The following GRID1 variants were observed in gnomAD, a reference collection of about 807,000 sequenced individuals.
GRID1 encodes glutamate ionotropic receptor delta type subunit 1, also known as glutamate receptor ionotropic, delta-1.
GRID1 carries 28 observed loss-of-function variants against 98.0 expected under a neutral mutation model. The ratio of observed to expected loss-of-function variants is 0.29; its 90% CI spans 0.21 to 0.39. GRID1 has a LOEUF of 0.39. GRID1 is among the 10% of genes least tolerant of loss of function. The pLI is 1.00. For synonymous variants in GRID1, 553 were observed against 538.5 expected (o/e 1.03, Z -0.37); for missense variants, 1,111 against 1,340.5 (o/e 0.83, Z 2.67).
chr10:86,207,536 C>G (rs942259791), intron 2 of GRID1, among the ~76,000 whole-genome samples: 5 of 152,080 alleles, frequency 3.3e-5, no homozygotes, highest in South Asian at 2.1e-4. Context: ...ATGCACCTCC[C>G]AACGCTGCAA....
intron 4 of GRID1, among the ~76,000 whole-genome samples, chr10:85,963,669 C>T (rs1169105174): frequency 6.6e-6 from 1 of 152,224 alleles, no homozygotes; most frequent in Non-Finnish European, 1.5e-5. Flanking sequence ...CATGATTCTC[C>T]TGGTCACACC....
intron 8 of GRID1, among the ~76,000 whole-genome samples, chr10:85,834,862 A>G (rs1842898769): frequency 6.6e-6 from 1 of 152,210 alleles, no homozygotes; most frequent in Non-Finnish European, 1.5e-5. Flanking sequence ...AACAATACTT[A>G]TCTTAAGGAT....
At chr10:85,994,445 T>C (rs1471049607) in intron 4 of GRID1, among the ~76,000 whole-genome samples, 2 of 152,164 alleles carry the variant, frequency 1.3e-5, no homozygotes, top group Non-Finnish European at 2.9e-5. Flanking sequence ...GCACCCGACA[T>C]CTCTGCCCTT....
At chr10:86,080,773 T>G (rs1843965956) in intron 4 of GRID1, among the ~76,000 whole-genome samples, 1 of 152,062 alleles carries the variant, frequency 6.6e-6, no homozygotes, top group South Asian at 2.1e-4. Flanking sequence ...CTAAGAAATC[T>G]CCACACAGAC....
intron 13 of GRID1, among the ~76,000 whole-genome samples, chr10:85,640,629 G>A (rs1156582024): frequency 1.3e-5 from 2 of 152,198 alleles, no homozygotes; most frequent in Non-Finnish European, 2.9e-5. Context: ...GGGTGCCAAA[G>A]TTCCTGATCC....
At chr10:86,114,778 A>C (rs1359121963) in intron 4 of GRID1, among the ~76,000 whole-genome samples, 1 of 152,188 alleles carries the variant, frequency 6.6e-6, no homozygotes, top group Non-Finnish European at 1.5e-5. Flanking sequence ...AACTGGTAGA[A>C]CCAGAGCATT....
chr10:85,783,272 C>T (rs1453663123), intron 8 of GRID1, among the ~76,000 whole-genome samples: 2 of 152,214 alleles, frequency 1.3e-5, no homozygotes, highest in African/African-American at 4.8e-5. Flanking sequence ...GCTTCCCAGA[C>T]CCTGTTTCTT....
At chr10:85,666,995 C>T (rs972293548) in intron 12 of GRID1, among the ~76,000 whole-genome samples, 1 of 152,202 alleles carries the variant, frequency 6.6e-6, no homozygotes, top group African/African-American at 2.4e-5. Context: ...ATCAGTGCTA[C>T]TGCCCTAGTT....
intron 2 of GRID1, among the ~76,000 whole-genome samples, chr10:86,274,289 T>C (rs1847232403): frequency 6.6e-6 from 1 of 152,240 alleles, no homozygotes; most frequent in African/African-American, 2.4e-5. Flanking sequence ...TTGGTACCAG[T>C]ACCATGCTGT....
At chr10:85,773,530 A>C (rs112340433) in intron 8 of GRID1, among the ~76,000 whole-genome samples, 2 of 151,480 alleles carry the variant, frequency 1.3e-5, no homozygotes, top group Non-Finnish European at 1.5e-5. Flanking sequence ...GAGGAAGTCA[A>C]ATTGTCCCTG....
At chr10:86,106,369 CA>C (rs1233154580) in intron 4 of GRID1, among the ~76,000 whole-genome samples, 2 of 151,576 alleles carry the variant, frequency 1.3e-5, no homozygotes, top group African/African-American at 4.9e-5. Context: ...GATGTTAGGT[CA>C]AAAAAGCAAA....
At chr10:85,806,650 C>T (rs566639669) in intron 8 of GRID1, among the ~76,000 whole-genome samples, 7 of 151,892 alleles carry the variant, frequency 4.6e-5, no homozygotes, top group Admixed American at 1.3e-4. Flanking sequence ...AACAAAACAA[C>T]GTGGAAAACT....
chr10:85,920,642 G>A (rs568637790), intron 4 of GRID1, among the ~76,000 whole-genome samples: 10 of 152,362 alleles, frequency 6.6e-5, no homozygotes, highest in African/African-American at 7.2e-5. Flanking sequence ...GCAGCAGGAC[G>A]TGGTGTTTCC....
chr10:86,203,915 A>G (rs1169255802), intron 3 of GRID1, among the ~76,000 whole-genome samples: 2 of 152,068 alleles, frequency 1.3e-5, no homozygotes, highest in African/African-American at 4.8e-5. Flanking sequence ...CACAGCTCCC[A>G]AGCAGCCTCA....
At chr10:86,208,829 C>T (rs534751046) in intron 2 of GRID1, among the ~76,000 whole-genome samples, 19 of 152,202 alleles carry the variant, frequency 1.2e-4, no homozygotes, top group Non-Finnish European at 2.2e-4. Flanking sequence ...ATTTCCATGG[C>T]CCCAGTCAAT....
intron 4 of GRID1, among the ~76,000 whole-genome samples, chr10:86,025,104 T>G (rs1843099873): frequency 6.6e-6 from 1 of 152,090 alleles, no homozygotes; most frequent in Admixed American, 6.5e-5. Flanking sequence ...GTGGCCAGAA[T>G]AGTTTGCGAG....
chr10:85,832,877 C>T (rs1010750206), intron 8 of GRID1, among the ~76,000 whole-genome samples: 1 of 152,138 alleles, frequency 6.6e-6, no homozygotes, highest in Admixed American at 6.5e-5. Context: ...AAAGAAATGG[C>T]CCAGCCCTAG....
At chr10:85,998,391 G>C (rs1196147070) in intron 4 of GRID1, among the ~76,000 whole-genome samples, 1 of 151,740 alleles carries the variant, frequency 6.6e-6, no homozygotes, top group Non-Finnish European at 1.5e-5. Context: ...ATAATCCATG[G>C]GTGAAAAAAA....
At chr10:86,119,790 T>C in intron 4 of GRID1, among the ~76,000 whole-genome samples, 1 of 152,042 alleles carries the variant, frequency 6.6e-6, no homozygotes, top group Non-Finnish European at 1.5e-5. Context: ...GTTGTGTTTT[T>C]GTTTTTTTGG....
Sources: gnomAD v4.1 joint callset for allele counts (sites outside exome capture counted in the v4.1 genomes callset) on GRCh38, gnomAD v4.1.1 for gene constraint, MANE v1.5 for transcripts, NCBI Gene and HGNC (gene_info 2026-07-23, HGNC 2026-07-21) for gene names.